Variants in RNF175 observed in about 807,000 individuals in gnomAD.
RNF175 encodes ring finger protein 175.
RNF175 carries 38 observed loss-of-function variants against 50.0 expected under a neutral mutation model. That is an observed-to-expected ratio of 0.76 (90% CI 0.59 to 1.00). The LOEUF (loss-of-function observed/expected upper bound fraction) is 1.00. RNF175 is among the 50% of genes least tolerant of loss of function. RNF175 has a pLI of 0.00. For missense variants in RNF175, 388 were observed against 409.6 expected (o/e 0.95, Z 0.46); for synonymous variants, 155 against 146.1 (o/e 1.06, Z -0.44).
intron 7 of RNF175, chr4:153,714,482 C>A (rs983005199): frequency 6.6e-5 from 10 of 152,196 alleles, no homozygotes; most frequent in Non-Finnish European, 1.2e-4. Context: ...CGAGGTATGA[C>A]TGACTAAATT....
intron 1 of RNF175, among the ~76,000 whole-genome samples, chr4:153,752,407 G>GGGGGCAGGGAGCCAT (rs1740338128): frequency 6.6e-6 from 1 of 152,180 alleles, no homozygotes; most frequent in Admixed American, 6.5e-5. Context: ...GGGATCACCT[G>GGGGGCAGGGAGCCAT]GGGGCAGGGA....
At chr4:153,752,121 C>T (rs1186153007) in intron 1 of RNF175, among the ~76,000 whole-genome samples, 1 of 152,210 alleles carries the variant, frequency 6.6e-6, no homozygotes, top group Admixed American at 6.5e-5. Flanking sequence ...CATGGACTAC[C>T]TTTTCTAGAT....
intron 3 of RNF175, among the ~76,000 whole-genome samples, chr4:153,734,221 G>A (rs1739209303): frequency 6.6e-6 from 1 of 152,170 alleles, no homozygotes; most frequent in African/African-American, 2.4e-5. Flanking sequence ...TAAATACCCG[G>A]TAGAGTGATT....
At chr4:153,723,299 G>A in intron 5 of RNF175, 52 bp downstream of exon 5, 1 of 859,474 alleles carries the variant, frequency 1.2e-6, no homozygotes, top group South Asian at 1.4e-5. Context: ...GACCAGGTGA[G>A]TGTGCCAAGC....
intron 3 of RNF175, among the ~76,000 whole-genome samples, chr4:153,732,250 CA>C (rs1025101542): frequency 4.6e-5 from 7 of 150,822 alleles, no homozygotes; most frequent in Admixed American, 2.0e-4. Context: ...AAAACAAAAA[CA>C]AAAAACAAAA....
intron 3 of RNF175, among the ~76,000 whole-genome samples, chr4:153,746,234 G>T (rs986967114): frequency 1.3e-5 from 2 of 152,196 alleles, no homozygotes; most frequent in Non-Finnish European, 2.9e-5. Context: ...GGAGTAGCAG[G>T]CCCCAAGCCA....
rs552625228 is a variant in RNF175, at chr4:153,760,016, G to A, written c.-154C>T. 8.7e-5 allele frequency: 37 copies of A among 425,432 alleles called. No individual in the cohort carries two copies. In the South Asian group the frequency reaches 2.6e-3, roughly 30 times the overall value. The allele number at this position is 425,432 out of a possible 1,614,324, so 26.4% of individuals were successfully genotyped here. On this transcript the variant is annotated 5_prime_UTR_variant, in exon 1 of 9. Coordinates refer to ENST00000347063, the MANE Select transcript of RNF175 (RefSeq NM_173662.4). ...GGCGGCCCTGCCCGGGTTGTGCGGGGCGGGAGATGGGAGCCTCCCGGCACG... is the reference window on the plus strand; with the variant it reads ...GGCGGCCCTGCCCGGGTTGTGCGGGACGGGAGATGGGAGCCTCCCGGCACG...
At chr4:153,728,400 AAGTGCCTGAATGGCAT>A (rs1323850692) in intron 3 of RNF175, 39 bp from the exon 4 acceptor site, 1 of 1,587,556 alleles carries the variant, frequency 6.3e-7, no homozygotes, top group South Asian at 1.1e-5. Context: ...TTCAATGACC[AAGTGCCTGAATGGCAT>A]CTCCACTATT....
At chr4:153,749,517 G>T (rs879463958) in intron 2 of RNF175, among the ~76,000 whole-genome samples, 6 of 152,084 alleles carry the variant, frequency 3.9e-5, no homozygotes, top group Non-Finnish European at 7.4e-5. Flanking sequence ...AGAAAGAATA[G>T]GCTTAAGTAT....
intron 4 of RNF175, among the ~76,000 whole-genome samples, chr4:153,725,591 T>C (rs1030013332): frequency 1.3e-5 from 2 of 152,218 alleles, no homozygotes; most frequent in Non-Finnish European, 2.9e-5. Flanking sequence ...AATGAAGCCA[T>C]AGCATGCTGT....
chr4:153,722,086 T>A (rs1738373789), intron 5 of RNF175, among the ~76,000 whole-genome samples: 1 of 152,208 alleles, frequency 6.6e-6, no homozygotes, highest in African/African-American at 2.4e-5. Context: ...CTTTTCAATT[T>A]CTGTTATGGT....
In RNF175 at chr4:153,723,521, C is replaced by T. The variant is rs1327833658; in HGVS notation, c.402-63G>A. The T allele has an allele frequency of 1.7e-5, 12 of 712,640 alleles. No individual in the cohort carries two copies. In the East Asian group the frequency reaches 3.2e-4, roughly 19 times the overall value. The allele number at this position is 712,640 out of a possible 1,614,324, so 44.1% of individuals were successfully genotyped here. ...AAACACAGAAAAATGGGGAGAAACA[C>T]AGTAATATTATAAAATATTTTGTCT... On this transcript the variant is annotated intron_variant, in intron 4 of 8. Coordinates refer to ENST00000347063, the MANE Select transcript of RNF175 (RefSeq NM_173662.4).
intron 7 of RNF175, chr4:153,715,150 TC>T (rs531805831): frequency 4.0e-4 from 134 of 334,344 alleles, no homozygotes; most frequent in African/African-American, 2.8e-3. Context: ...AGTCTTAAGT[TC>T]CCCCCTGCAC....
intron 3 of RNF175, among the ~76,000 whole-genome samples, chr4:153,746,143 T>C (rs961013139): frequency 6.6e-6 from 1 of 152,176 alleles, no homozygotes; most frequent in Admixed American, 6.5e-5. Context: ...ATTAACAAGT[T>C]CTCTTCTTCC....
intron 8 of RNF175, among the ~76,000 whole-genome samples, chr4:153,711,807 C>T (rs150681426): frequency 3.3e-5 from 5 of 152,268 alleles, no homozygotes; most frequent in South Asian, 4.2e-4. Context: ...TACCTTCCTG[C>T]GACCTTAATG....
chr4:153,716,095 A>C (rs1579032040), intron 6 of RNF175, among the ~76,000 whole-genome samples: 1 of 148,882 alleles, frequency 6.7e-6, no homozygotes, highest in Non-Finnish European at 1.5e-5. Flanking sequence ...AAGAATCTCC[A>C]CTGCTTCTAA....
At chr4:153,724,264 C>T (rs995748040) in intron 4 of RNF175, among the ~76,000 whole-genome samples, 2 of 152,204 alleles carry the variant, frequency 1.3e-5, no homozygotes, top group Admixed American at 1.3e-4. Flanking sequence ...ATGTGACCAG[C>T]TTCATGTCTA....
intron 3 of RNF175, among the ~76,000 whole-genome samples, chr4:153,730,599 C>T (rs1274277399): frequency 1.3e-5 from 2 of 152,214 alleles, no homozygotes; most frequent in Admixed American, 1.3e-4. Flanking sequence ...CTTCATCTTT[C>T]AAAGTCTGAT....
intron 3 of RNF175, among the ~76,000 whole-genome samples, chr4:153,746,948 C>G (rs1346581022): frequency 6.6e-6 from 1 of 152,228 alleles, no homozygotes; most frequent in East Asian, 1.9e-4. Context: ...TGCACCTGGG[C>G]TCCCTGGAGC....
Sources: gnomAD v4.1 joint callset for allele counts (sites outside exome capture counted in the v4.1 genomes callset) on GRCh38, gnomAD v4.1.1 for gene constraint, MANE v1.5 for transcripts, NCBI Gene and HGNC (gene_info 2026-07-23, HGNC 2026-07-21) for gene names.